The following AKAP9 variants were observed in gnomAD, a reference collection of about 807,000 sequenced individuals.
AKAP9 encodes the protein A-kinase anchoring protein 9.
Under a neutral mutation model 488.5 loss-of-function variants are expected in AKAP9, and 311 were observed. The ratio of observed to expected loss-of-function variants is 0.64; its 90% CI spans 0.58 to 0.70. The LOEUF (loss-of-function observed/expected upper bound fraction) is 0.70, where lower values mean the gene tolerates loss of function less well. AKAP9 is among the 30% of genes least tolerant of loss of function. The probability of loss-of-function intolerance (pLI) is 0.00; values close to 1 mark genes in which losing one functional copy is unlikely to be tolerated. For missense variants in AKAP9, 4,215 were observed against 4,374.5 expected (o/e 0.96, Z 1.03); for synonymous variants, 1,462 against 1,483.5 (o/e 0.99, Z 0.33).
chr7:92,102,462 A>ACTACTACTAC (rs1817710402), intron 45 of AKAP9, 132 bp from the exon 46 acceptor site: 1 of 658,886 alleles, frequency 1.5e-6, no homozygotes, highest in Admixed American at 2.3e-5. Context: ...TACTACTACT[A>ACTACTACTAC]CTACTACTAC....
rs1799313241 is a variant in AKAP9, at chr7:92,002,650, A to G, written c.2733A>G (p.Lys911=). 1 of 1,613,230 alleles carries G rather than the reference A, an allele frequency of 6.2e-7. No individual in the cohort carries two copies. The highest frequency in any genetic ancestry group is 8.5e-7 in the Non-Finnish European group (1 of 1,179,636). Residue 911 remains lysine, a synonymous_variant, in exon 8 of 50, where the codon AAA becomes AAG. Coordinates refer to ENST00000356239, the MANE Select transcript of AKAP9 (RefSeq NM_005751.5). ...AAAGAATAAATCCAACTACAGTGAAAATGAAAAGTTCTGTCTTTGATGAAG... is the reference window on the plus strand; with the variant it reads ...AAAGAATAAATCCAACTACAGTGAAGATGAAAAGTTCTGTCTTTGATGAAG... ...HLQRINPTTV[K]MKSSVFDEDK...
At chr7:92,021,247 G>A (rs80236056) in intron 12 of AKAP9, among the ~76,000 whole-genome samples, 1,622 of 152,142 alleles carry the variant, frequency 0.011, 25 homozygotes, top group African/African-American at 0.037. Flanking sequence ...TAGTTTAGCC[G>A]TTCTCTAATT....
In AKAP9 at chr7:92,061,488, G is replaced by T; in HGVS notation, c.5764+66G>T. 6.4e-6 allele frequency: 10 copies of T among 1,568,412 alleles called. No homozygotes were observed. The South Asian group carries it at 1.0e-4, about 16-fold the overall frequency. ...CAGTCTTAAAATAGAGATTTTTGAT[G>T]CACAGCCAGGTTTGGAAGCCGTCAA... is the stretch of plus-strand genomic sequence containing the variant. On this transcript the variant is annotated intron_variant, in intron 23 of 49. Coordinates refer to ENST00000356239, the MANE Select transcript of AKAP9 (RefSeq NM_005751.5).
intron 8 of AKAP9, 60 bp downstream of exon 8, chr7:92,003,295 A>T: frequency 7.8e-7 from 1 of 1,285,470 alleles, no homozygotes; most frequent in South Asian, 1.2e-5. Context: ...TTTCACACTA[A>T]GGTTTCACCT....
intron 26 of AKAP9, among the ~76,000 whole-genome samples, chr7:92,068,146 G>A (rs1811056763): frequency 6.6e-6 from 1 of 151,728 alleles, no homozygotes; most frequent in Non-Finnish European, 1.5e-5. Flanking sequence ...AGATCACGAG[G>A]TCAGGAGATC....
chr7:92,057,029 G>A (rs1341487782), intron 22 of AKAP9, among the ~76,000 whole-genome samples: 29 of 152,024 alleles, frequency 1.9e-4, no homozygotes, highest in Admixed American at 1.9e-3. Flanking sequence ...GAGCTACCCA[G>A]AAGGCTATTC....
At chr7:92,044,643 T>C (rs1806663055) in intron 20 of AKAP9, among the ~76,000 whole-genome samples, 1 of 152,216 alleles carries the variant, frequency 6.6e-6, no homozygotes, top group African/African-American at 2.4e-5. Flanking sequence ...AACTTGCATA[T>C]GCTTTGGCAC....
chr7:91,965,385 A>T (rs1008122219), intron 1 of AKAP9, among the ~76,000 whole-genome samples: 1 of 152,210 alleles, frequency 6.6e-6, no homozygotes, highest in Non-Finnish European at 1.5e-5. Flanking sequence ...TTATGGCTGA[A>T]TAATATTCCA....
chr7:92,069,928 C>G (rs1584414487), intron 26 of AKAP9, 102 bp from the exon 27 acceptor site: 8 of 1,033,654 alleles, frequency 7.7e-6, no homozygotes, highest in Non-Finnish European at 7.2e-6. Flanking sequence ...GATTTTGGAG[C>G]ATTTTGGATT....
chr7:92,026,959 T>C (rs536093677), intron 14 of AKAP9, among the ~76,000 whole-genome samples: 55 of 144,096 alleles, frequency 3.8e-4, no homozygotes, highest in Admixed American at 4.8e-4. Flanking sequence ...GTCTGGGATG[T>C]GGGGAGCGCC....
intron 9 of AKAP9, 89 bp from the exon 10 acceptor site, chr7:92,014,160 G>A: frequency 1.2e-6 from 1 of 846,072 alleles, no homozygotes; most frequent in African/African-American, 1.7e-5. Flanking sequence ...CTTATTGCAG[G>A]GGAGCTTCCA....
At chr7:92,064,039 C>T (rs537797434) in intron 24 of AKAP9, among the ~76,000 whole-genome samples, 1 of 152,310 alleles carries the variant, frequency 6.6e-6, no homozygotes, top group Admixed American at 6.5e-5. Flanking sequence ...ACCTCTGCCT[C>T]CCAAAGTGCT....
Position 92,080,052 on chromosome 7 carries a change from A to G in AKAP9, c.7919A>G (p.Glu2640Gly). 1 of 1,565,544 alleles carries G rather than the reference A, an allele frequency of 6.4e-7. No individual in the cohort carries two copies. Among genetic ancestry groups the G allele is most frequent in the Non-Finnish European group, 8.6e-7 (1 of 1,165,814 alleles). Reference sequence around the variant, plus strand: ...GCAGAAAAAAATGTTTTAGAAAAAGAAAAGAAGCTGCTAGAACTACAGAAG... The same window carrying G: ...GCAGAAAAAAATGTTTTAGAAAAAGGAAAGAAGCTGCTAGAACTACAGAAG... ...EIAEKNVLEK[E>G]KKLLELQKLL... Residue 2640 changes from glutamate to glycine, a missense_variant, in exon 31 of 50, where the codon GAA becomes GGA. By Grantham distance (98) the Glu-to-Gly change is moderately conservative (BLOSUM62 -2). Transcript: ENST00000356239.
In AKAP9 at chr7:92,101,048, A is replaced by T; in HGVS notation, c.11089A>T (p.Thr3697Ser). 6.2e-7 allele frequency: 1 copy of T among 1,613,242 alleles called. No homozygotes were observed. The change falls in exon 45 of 50, where the codon ACT becomes TCT. Residue 3697 changes from threonine (T) to serine (S), a missense_variant. Thr to Ser is a moderately conservative substitution (Grantham distance 58, BLOSUM62 1). Coordinates refer to ENST00000356239, the MANE Select transcript of AKAP9 (RefSeq NM_005751.5). ...QTLSPDSEHVTLKRIYGKYLR... is the reference protein window; with the variant it reads ...QTLSPDSEHVSLKRIYGKYLR... Reference sequence around the variant, plus strand: ...TCTGAGCCCTGATTCTGAACATGTCACTTTAAAGGTAGGAGACATCTCCCA... The same window carrying T: ...TCTGAGCCCTGATTCTGAACATGTCTCTTTAAAGGTAGGAGACATCTCCCA...
intron 14 of AKAP9, among the ~76,000 whole-genome samples, chr7:92,024,981 A>G (rs946745629): frequency 1.3e-5 from 2 of 152,136 alleles, no homozygotes; most frequent in Non-Finnish European, 2.9e-5. Context: ...AGGTTTTTGA[A>G]CTTTAATATA....
chr7:91,966,369 T>C (rs577163064), intron 1 of AKAP9, among the ~76,000 whole-genome samples: 18 of 152,218 alleles, frequency 1.2e-4, no homozygotes, highest in Non-Finnish European at 2.6e-4. Context: ...TTTTTTTGTA[T>C]GTGGTAAGAG....
intron 7 of AKAP9, among the ~76,000 whole-genome samples, chr7:91,999,945 C>G (rs1305094992): frequency 6.6e-6 from 1 of 152,180 alleles, no homozygotes; most frequent in Non-Finnish European, 1.5e-5. Flanking sequence ...TACTTACCTA[C>G]TTATGTCCTG....
chr7:92,083,438 G>A lies in AKAP9; in HGVS notation c.8429G>A (p.Ser2810Asn). 1 of 1,614,012 alleles carries A rather than the reference G, an allele frequency of 6.2e-7. No individual in the cohort carries two copies. The highest frequency in any genetic ancestry group is 8.5e-7 in the Non-Finnish European group (1 of 1,179,956). The change falls in exon 33 of 50, where the codon AGT (serine) becomes AAT (asparagine). Residue 2810 changes from serine to asparagine, a missense_variant. Coordinates refer to ENST00000356239, the MANE Select transcript of AKAP9 (RefSeq NM_005751.5). ...GCAGGAATACAAATTAATTTACAGA[G>A]TGAATGTTCCTCAGAAGAAGTTACT... is the stretch of plus-strand genomic sequence containing the variant. ...KNAGIQINLQ[S>N]ECSSEEVTEI...
chr7:92,048,065 T>A (rs936787550), intron 21 of AKAP9, among the ~76,000 whole-genome samples: 1 of 152,184 alleles, frequency 6.6e-6, no homozygotes, highest in African/African-American at 2.4e-5. Flanking sequence ...AAATACTGGC[T>A]TTAAAATATT....
Sources: allele counts gnomAD v4.1 joint callset (sites outside exome capture counted in the v4.1 genomes callset), GRCh38; gene constraint gnomAD v4.1.1; transcripts MANE v1.5; gene names NCBI Gene and HGNC (gene_info 2026-07-23, HGNC 2026-07-21).